Variants in HYDIN observed in about 807,000 individuals in gnomAD.
HYDIN encodes axonemal central pair apparatus protein HYDIN.
A neutral mutation model predicts 403.9 loss-of-function variants in HYDIN; 132 were observed. The observed-to-expected ratio is 0.33, with a 90% CI of 0.28 to 0.38. The LOEUF (loss-of-function observed/expected upper bound fraction) is 0.38, where lower values mean the gene tolerates loss of function less well. HYDIN is among the 10% of genes least tolerant of loss of function. The pLI is 1.00. For missense variants in HYDIN, 2,827 were observed against 5,009.5 expected (o/e 0.56, Z 13.15); for synonymous variants, 1,202 against 1,891.7 (o/e 0.64, Z 9.46).
intron 13 of HYDIN, among the ~76,000 whole-genome samples, chr16:71,077,754 G>C (rs113502730): frequency 1.3e-5 from 2 of 151,316 alleles, no homozygotes; most frequent in African/African-American, 4.9e-5. Flanking sequence ...CTAGAACATA[G>C]CTAAACTAAT....
intron 6 of HYDIN, among the ~76,000 whole-genome samples, chr16:71,158,831 ACCACTACAC>A (rs2085891014): frequency 6.7e-6 from 1 of 150,092 alleles, no homozygotes; most frequent in Non-Finnish European, 1.5e-5. Flanking sequence ...GCAGGTATGG[ACCACTACAC>A]CCAGCTTATT....
At chr16:71,170,578 T>TA (rs1034259094) in intron 5 of HYDIN, among the ~76,000 whole-genome samples, 10 of 150,952 alleles carry the variant, frequency 6.6e-5, no homozygotes, top group South Asian at 2.1e-4. Flanking sequence ...AAACCAACTT[T>TA]AAAAAAAAAC....
At chr16:71,017,363 A>G (rs1382148345) in intron 23 of HYDIN, among the ~76,000 whole-genome samples, 1 of 150,704 alleles carries the variant, frequency 6.6e-6, no homozygotes, top group African/African-American at 2.5e-5. Context: ...AAAAAAAAAA[A>G]AAAAAAGTGT....
At chr16:70,920,314 T>G (rs1242841118) in intron 46 of HYDIN, among the ~76,000 whole-genome samples, 1 of 127,444 alleles carries the variant, frequency 7.8e-6, no homozygotes, top group African/African-American at 3.1e-5. Flanking sequence ...CTTGCCATTC[T>G]GTAGCACCCA....
intron 84 of HYDIN, among the ~76,000 whole-genome samples, chr16:70,810,353 C>T (rs2143424586): frequency 6.6e-6 from 1 of 152,320 alleles, no homozygotes; most frequent in Admixed American, 6.5e-5. Context: ...TGGCCAATCT[C>T]AGAACAGCGT....
intron 84 of HYDIN, among the ~76,000 whole-genome samples, 158 bp from the exon 85 acceptor site, chr16:70,810,165 C>G (rs529511295): frequency 1.3e-5 from 2 of 152,190 alleles, no homozygotes; most frequent in African/African-American, 2.4e-5. Context: ...CCAGCCCACC[C>G]TCTCTCCCCT....
chr16:70,911,817 C>G (rs1453963547), intron 47 of HYDIN, among the ~76,000 whole-genome samples: 2 of 150,186 alleles, frequency 1.3e-5, no homozygotes, highest in African/African-American at 5.0e-5. Context: ...TTGCAGAGGT[C>G]TTTCACCTCC....
chr16:71,173,132 T>C lies in HYDIN; in HGVS notation c.516+2475A>G, dbSNP rs542104696. Reference sequence around the variant, plus strand: ...ACTCTGTCTTTTGAAATAAATTATATAGTTTAGAGCCAAGTCCAACACAAG... The same window carrying C: ...ACTCTGTCTTTTGAAATAAATTATACAGTTTAGAGCCAAGTCCAACACAAG... On this transcript the variant is annotated intron_variant, in intron 5 of 85. Coordinates refer to ENST00000393567, the MANE Select transcript of HYDIN (RefSeq NM_001270974.2). 3.9e-5 allele frequency among the ~76,000 whole-genome samples: 6 copies of C among 152,306 alleles called. No individual in the cohort carries two copies. In the South Asian group the frequency reaches 1.0e-3, roughly 26 times the overall value.
intron 84 of HYDIN, chr16:70,816,967 G>A (rs2035879799): frequency 7.5e-6 from 1 of 133,236 alleles, no homozygotes; most frequent in Admixed American, 7.0e-5. Flanking sequence ...TCAATCTTTT[G>A]TAAACTCACA....
chr16:70,948,611 GA>G (rs546914825), intron 41 of HYDIN, among the ~76,000 whole-genome samples: 1 of 151,464 alleles, frequency 6.6e-6, no homozygotes, highest in Non-Finnish European at 1.5e-5. Flanking sequence ...AAATTTACAA[GA>G]AAAAAACAAA....
chr16:71,217,096 C>A (rs2088922359), intron 1 of HYDIN, among the ~76,000 whole-genome samples: 1 of 152,336 alleles, frequency 6.6e-6, no homozygotes, highest in East Asian at 1.9e-4. Flanking sequence ...TTCTATCCAG[C>A]AAACTTGCAT....
intron 45 of HYDIN, among the ~76,000 whole-genome samples, chr16:70,934,243 G>C (rs1007541044): frequency 6.6e-6 from 1 of 152,064 alleles, no homozygotes; most frequent in Admixed American, 6.5e-5. Flanking sequence ...GAAATGAGGG[G>C]TGACGAGGCA....
Position 70,816,306 on chromosome 16 carries a change from T to A in HYDIN, c.14658+2036A>T, listed in dbSNP as rs538792829. The stretch of plus-strand genomic sequence containing the variant: ...TAAAAAATAACTAGAAAAATCCACA[T>A]GTTCAGAAATTAAGAAACTCTTCTA... On this transcript the variant is annotated intron_variant, in intron 84 of 85. Coordinates refer to ENST00000393567, the MANE Select transcript of HYDIN (RefSeq NM_001270974.2). 3.1e-3 allele frequency among the ~76,000 whole-genome samples: 475 copies of A among 152,274 alleles called. 1 individual carries two copies. The highest frequency in any genetic ancestry group is 0.011 in the African/African-American group (462 of 41,546).
chr16:71,206,440 G>C (rs1321681786), intron 1 of HYDIN, among the ~76,000 whole-genome samples: 3 of 152,074 alleles, frequency 2.0e-5, no homozygotes, highest in African/African-American at 7.2e-5. Flanking sequence ...CATCCAAAAG[G>C]ACAAAGACTG....
chr16:70,944,637 C>T (rs1200120905), intron 41 of HYDIN, among the ~76,000 whole-genome samples: 1 of 152,064 alleles, frequency 6.6e-6, no homozygotes, highest in East Asian at 1.9e-4. Context: ...CACCACACCG[C>T]CAGGACCAGA....
At chr16:70,910,233 C>A in intron 47 of HYDIN, among the ~76,000 whole-genome samples, 1 of 152,138 alleles carries the variant, frequency 6.6e-6, no homozygotes, top group Non-Finnish European at 1.5e-5. Flanking sequence ...TTATCTCTTG[C>A]CCTCTCCCAC....
chr16:71,226,008 A>G (rs549269517), intron 1 of HYDIN, among the ~76,000 whole-genome samples: 14 of 152,228 alleles, frequency 9.2e-5, no homozygotes, highest in Non-Finnish European at 4.4e-5. Flanking sequence ...CTATACTCCA[A>G]TGAAATCTAA....
intron 9 of HYDIN, among the ~76,000 whole-genome samples, chr16:71,125,397 A>G (rs528735308): frequency 1.1e-3 from 173 of 152,360 alleles, no homozygotes; most frequent in Non-Finnish European, 1.7e-3. Context: ...AAATTTGTTC[A>G]TTCATTCATT....
intron 52 of HYDIN, among the ~76,000 whole-genome samples, chr16:70,902,821 A>ATATAT: frequency 5.1e-4 from 24 of 47,306 alleles, no homozygotes; most frequent in African/African-American, 2.5e-3. Context: ...ATATATATAT[A>ATATAT]TTTTTTTTTT....
Sources: allele counts gnomAD v4.1 joint callset (sites outside exome capture counted in the v4.1 genomes callset), GRCh38; gene constraint gnomAD v4.1.1; transcripts MANE v1.5; gene names NCBI Gene and HGNC (gene_info 2026-07-23, HGNC 2026-07-21).